The following NRG3 variants were observed in gnomAD, a reference collection of about 807,000 sequenced individuals.
NRG3 encodes the protein pro-neuregulin-3, membrane-bound isoform.
NRG3 carries 31 observed loss-of-function variants against 66.9 expected under a neutral mutation model. That is an observed-to-expected ratio of 0.46 (90% confidence interval 0.35 to 0.63). NRG3 has a LOEUF of 0.63. Among genes scored for constraint, NRG3 ranks in the 20% least tolerant of loss-of-function variants. The probability of loss-of-function intolerance (pLI) is 0.00; values close to 1 mark genes in which losing one functional copy is unlikely to be tolerated. For synonymous variants in NRG3, 393 were observed against 359.4 expected (o/e 1.09, Z -1.06); for missense variants, 910 against 878.9 (o/e 1.04, Z -0.45).
At chr10:82,244,652 T>A (rs1184475569) in intron 1 of NRG3, among the ~76,000 whole-genome samples, 1 of 152,114 alleles carries the variant, frequency 6.6e-6, no homozygotes, top group Non-Finnish European at 1.5e-5. Flanking sequence ...GGATCATTTT[T>A]GTGGGTAACA....
At chr10:82,437,810 T>C (rs2136401152) in intron 2 of NRG3, among the ~76,000 whole-genome samples, 1 of 152,284 alleles carries the variant, frequency 6.6e-6, no homozygotes, top group South Asian at 2.1e-4. Context: ...CCCTCTTCTA[T>C]AGGGCTGCTG....
intron 4 of NRG3, among the ~76,000 whole-genome samples, chr10:82,887,548 C>A (rs1017870744): frequency 1.3e-5 from 2 of 152,130 alleles, no homozygotes; most frequent in Non-Finnish European, 2.9e-5. Flanking sequence ...GAAAGCATGA[C>A]ACGTATAAAT....
chr10:82,957,254 C>T (rs768200889), intron 5 of NRG3, among the ~76,000 whole-genome samples: 16 of 151,808 alleles, frequency 1.1e-4, no homozygotes, highest in Non-Finnish European at 2.1e-4. Context: ...AATGGAGGCT[C>T]AACAAGTTTA....
intron 1 of NRG3, among the ~76,000 whole-genome samples, chr10:81,892,080 C>T (rs1326274304): frequency 1.3e-5 from 2 of 152,058 alleles, no homozygotes; most frequent in Admixed American, 6.6e-5. Context: ...GTGATACATA[C>T]GTGGGACTTG....
chr10:82,288,619 A>G (rs186518049), intron 1 of NRG3, among the ~76,000 whole-genome samples: 1 of 152,302 alleles, frequency 6.6e-6, no homozygotes, highest in East Asian at 1.9e-4. Context: ...CATACCACAT[A>G]CTGCTCCAAG....
intron 1 of NRG3, among the ~76,000 whole-genome samples, chr10:82,188,525 G>A (rs918530094): frequency 4.6e-5 from 7 of 152,154 alleles, no homozygotes; most frequent in Middle Eastern, 3.4e-3. Flanking sequence ...CCCACAGAAC[G>A]GGAGAAAATA....
At chr10:82,166,238 C>T (rs370805996) in intron 1 of NRG3, among the ~76,000 whole-genome samples, 2 of 152,128 alleles carry the variant, frequency 1.3e-5, no homozygotes, top group African/African-American at 4.8e-5. Flanking sequence ...AGGCTGGTCT[C>T]TAACTCCTGA....
At chr10:82,729,567 T>C (rs1240468082) in intron 2 of NRG3, among the ~76,000 whole-genome samples, 1 of 152,058 alleles carries the variant, frequency 6.6e-6, no homozygotes, top group East Asian at 1.9e-4. Context: ...TTCATGCCCA[T>C]GTTAGGTATT....
rs544654728 is a variant in NRG3 at position 82,340,726 on chromosome 10, A to G, written c.824-18013A>G. ...ACTCACCTACCTCCCCCCAATATCT[A>G]CTTTGCACAGTATTTTAGTGTGTGC... On this transcript the variant is annotated intron_variant, in intron 1 of 8. Coordinates refer to ENST00000372141, the MANE Select transcript of NRG3 (RefSeq NM_001010848.4). 2.6e-5 allele frequency: 4 copies of G among 152,086 alleles called. No homozygotes were observed. In the South Asian group the frequency reaches 8.3e-4, roughly 32 times the overall value. The allele number at this position is 152,086 out of a possible 1,614,324, so 9.4% of individuals were successfully genotyped here. A position where few individuals can be genotyped will look rare whatever the true frequency, so the allele number is the denominator to read the frequency against.
chr10:82,360,226 T>C (rs1398904962), intron 2 of NRG3, among the ~76,000 whole-genome samples: 3 of 152,204 alleles, frequency 2.0e-5, no homozygotes, highest in Non-Finnish European at 4.4e-5. Flanking sequence ...CTCATATTTA[T>C]TGTGACTGTG....
intron 1 of NRG3, among the ~76,000 whole-genome samples, chr10:82,059,917 T>C (rs2133221210): frequency 6.6e-6 from 1 of 152,282 alleles, no homozygotes; most frequent in Non-Finnish European, 1.5e-5. Flanking sequence ...ATGTTGTAAC[T>C]TAGTATAGAA....
intron 7 of NRG3, 73 bp downstream of exon 7, chr10:82,973,988 C>G (rs2132592578): frequency 6.4e-7 from 1 of 1,552,858 alleles, no homozygotes; most frequent in African/African-American, 1.4e-5. Context: ...ATGCCAAGGA[C>G]TGGCAGCATG....
chr10:82,447,387 C>A (rs1360367781), intron 2 of NRG3, among the ~76,000 whole-genome samples: 1 of 151,972 alleles, frequency 6.6e-6, no homozygotes, highest in African/African-American at 2.4e-5. Context: ...AGTTTCAGAC[C>A]AGCCTGGACA....
chr10:82,377,108 T>G (rs2085291397), intron 2 of NRG3, among the ~76,000 whole-genome samples: 1 of 152,244 alleles, frequency 6.6e-6, no homozygotes, highest in Admixed American at 6.5e-5. Flanking sequence ...ATTTTTTATA[T>G]TCTTTATTTG....
At chr10:82,713,959 A>T (rs11195687) in intron 2 of NRG3, among the ~76,000 whole-genome samples, 1 of 151,894 alleles carries the variant, frequency 6.6e-6, no homozygotes, top group African/African-American at 2.4e-5. Context: ...CCAGAGACAG[A>T]CCTGAAGGAG....
intron 1 of NRG3, among the ~76,000 whole-genome samples, chr10:81,922,141 T>A (rs1314869474): frequency 6.6e-6 from 1 of 152,150 alleles, no homozygotes; most frequent in Non-Finnish European, 1.5e-5. Context: ...GTTAACGACT[T>A]TTTTTGTCAT....
intron 1 of NRG3, among the ~76,000 whole-genome samples, chr10:82,100,788 T>C (rs1389028305): frequency 6.6e-6 from 1 of 152,076 alleles, no homozygotes; most frequent in Non-Finnish European, 1.5e-5. Flanking sequence ...TTGTGCATTT[T>C]TGTGTCTGTG....
At chr10:82,457,638 C>T (rs2091329394) in intron 2 of NRG3, among the ~76,000 whole-genome samples, 1 of 152,180 alleles carries the variant, frequency 6.6e-6, no homozygotes, top group South Asian at 2.1e-4. Flanking sequence ...CTGAACCAAA[C>T]TCCACGGTGA....
intron 1 of NRG3, among the ~76,000 whole-genome samples, chr10:82,254,481 G>T (rs963413325): frequency 6.6e-6 from 1 of 152,132 alleles, no homozygotes; most frequent in Non-Finnish European, 1.5e-5. Flanking sequence ...GTGACAGTGA[G>T]CACACCCAGT....
Sources: allele counts gnomAD v4.1 joint callset (sites outside exome capture counted in the v4.1 genomes callset), GRCh38; gene constraint gnomAD v4.1.1; transcripts MANE v1.5; gene names NCBI Gene and HGNC (gene_info 2026-07-23, HGNC 2026-07-21).